Variants in ZMIZ1 observed in about 807,000 individuals in gnomAD.
ZMIZ1 encodes the protein zinc finger MIZ-type containing 1.
In ZMIZ1, 17 loss-of-function variants were observed where a neutral mutation model predicts 113.9. The ratio of observed to expected loss-of-function variants is 0.15; its 90% CI spans 0.10 to 0.22. The LOEUF is 0.22. ZMIZ1 is among the 10% of genes least tolerant of loss of function. The probability of loss-of-function intolerance (pLI) is 1.00; values close to 1 mark genes in which losing one functional copy is unlikely to be tolerated. For synonymous variants in ZMIZ1, 607 were observed against 603.1 expected (o/e 1.01, Z -0.09); for missense variants, 1,059 against 1,477.8 (o/e 0.72, Z 4.65).
intron 1 of ZMIZ1, among the ~76,000 whole-genome samples, chr10:79,106,001 A>T (rs1843540966): frequency 6.6e-6 from 1 of 152,198 alleles, no homozygotes; most frequent in South Asian, 2.1e-4. Context: ...CAATTGCACA[A>T]TACCCAGAGG....
chr10:79,263,968 A>G (rs1406494184), intron 7 of ZMIZ1, among the ~76,000 whole-genome samples: 1 of 152,210 alleles, frequency 6.6e-6, no homozygotes, highest in Non-Finnish European at 1.5e-5. Flanking sequence ...TAAATTATGC[A>G]GGGAAGAAAT....
intron 21 of ZMIZ1, among the ~76,000 whole-genome samples, chr10:79,305,807 A>C (rs1054113758): frequency 2.6e-5 from 4 of 152,122 alleles, no homozygotes; most frequent in African/African-American, 9.7e-5. Context: ...AAAGCCAGCC[A>C]CAGCAGGAGG....
chr10:79,116,312 G>A (rs1016275319), intron 1 of ZMIZ1, among the ~76,000 whole-genome samples: 2 of 152,062 alleles, frequency 1.3e-5, no homozygotes, highest in Admixed American at 1.3e-4. Context: ...GAGTAGGGGT[G>A]TCACCCAACC....
Position 79,296,012 on chromosome 10 carries a change from A to G in ZMIZ1, c.1231-459A>G, listed in dbSNP as rs1853867558. The G allele has an allele frequency of 4.1e-5, 8 of 196,522 alleles. No homozygotes were observed. In the South Asian group the frequency reaches 5.9e-4, roughly 15 times the overall value. The allele number at this position is 196,522 out of a possible 1,614,324, so 12.2% of individuals were successfully genotyped here. ...GTTCTGCTCTGAGGGGAGTACGAGG[A>G]CAATGCCACCCAAGTTCAGCCTTGG... On this transcript the variant is annotated intron_variant, in intron 12 of 24. Coordinates refer to ENST00000334512, the MANE Select transcript of ZMIZ1 (RefSeq NM_020338.4). This position sits in a 1 kb window ranked among gnomAD's most constrained non-coding sequence, Gnocchi z 4.1.
intron 4 of ZMIZ1, among the ~76,000 whole-genome samples, chr10:79,197,681 A>G (rs4980046): frequency 0.34 from 51,107 of 151,120 alleles, 10,362 homozygotes; most frequent in African/African-American, 0.57. Flanking sequence ...GTTCAAGAGT[A>G]AAAACTGTAA....
At chr10:79,250,209 C>A (rs1481310890) in intron 7 of ZMIZ1, among the ~76,000 whole-genome samples, 1 of 152,258 alleles carries the variant, frequency 6.6e-6, no homozygotes, top group Non-Finnish European at 1.5e-5. Flanking sequence ...AGACTGGGTT[C>A]TCTCCACCCA....
At position 79,230,380 on chromosome 10, in the gene ZMIZ1, G is replaced by A. The variant is rs941465918; in HGVS notation, c.280+14106G>A. 3.3e-5 allele frequency among the ~76,000 whole-genome samples: 5 copies of A among 152,262 alleles called. 1 individual carries two copies. Among genetic ancestry groups the A allele is most frequent in the Middle Eastern group, 6.8e-3 (2 of 294 alleles). ...CTGCCCTGCTCCAGCCCTGGGCCAC[G>A]CCCCCAGAAATGCCTGCTGTTGTTT... On this transcript the variant is annotated intron_variant, in intron 7 of 24. Transcript: ENST00000334512.
At chr10:79,123,407 A>G (rs1844381521) in intron 2 of ZMIZ1, among the ~76,000 whole-genome samples, 1 of 152,188 alleles carries the variant, frequency 6.6e-6, no homozygotes, top group Non-Finnish European at 1.5e-5. Context: ...GATTCAACGA[A>G]GTAAGCCATG....
At chr10:79,221,196 G>A (rs1031285508) in intron 7 of ZMIZ1, among the ~76,000 whole-genome samples, 2 of 152,198 alleles carry the variant, frequency 1.3e-5, no homozygotes, top group Non-Finnish European at 2.9e-5. Flanking sequence ...CTTGGAGCGG[G>A]GCTTTGTCAG....
intron 6 of ZMIZ1, among the ~76,000 whole-genome samples, chr10:79,212,008 C>A (rs1848548334): frequency 6.6e-6 from 1 of 152,214 alleles, no homozygotes; most frequent in Non-Finnish European, 1.5e-5. Context: ...GTAATGGAGA[C>A]CCCTTCTCCA....
intron 1 of ZMIZ1, among the ~76,000 whole-genome samples, chr10:79,117,244 A>T (rs1844074627): frequency 6.6e-6 from 1 of 152,228 alleles, no homozygotes; most frequent in African/African-American, 2.4e-5. Flanking sequence ...AACAACTCTC[A>T]AGGCCAGCTC....
At chr10:79,156,656 A>C (rs952212090) in intron 3 of ZMIZ1, among the ~76,000 whole-genome samples, 3 of 152,210 alleles carry the variant, frequency 2.0e-5, no homozygotes, top group Non-Finnish European at 4.4e-5. Context: ...GCTGGAGGGC[A>C]TCCTGGAGCC....
chr10:79,142,616 C>G (rs76646789), intron 3 of ZMIZ1, among the ~76,000 whole-genome samples: 2,092 of 152,338 alleles, frequency 0.014, 43 homozygotes, highest in South Asian at 0.051. Context: ...AATGGAGAGA[C>G]AGGAGAGACC....
intron 8 of ZMIZ1, among the ~76,000 whole-genome samples, chr10:79,280,413 C>T (rs1852649459): frequency 6.6e-6 from 1 of 151,922 alleles, no homozygotes; most frequent in African/African-American, 2.4e-5. Context: ...TAGCTGGAAG[C>T]ATAGCCATGC....
In ZMIZ1 at chr10:79,115,276, G is replaced by T. The variant is rs1843972007; in HGVS notation, c.-336-3639G>T. Among the ~76,000 whole-genome samples, 3 of 152,168 alleles carry T rather than the reference G, an allele frequency of 2.0e-5. No individual in the cohort carries two copies. In the South Asian group the frequency reaches 6.2e-4, roughly 31 times the overall value. ...TGTGACCTACCCAGCTGCCCTTGTG[G>T]GCTTGGAGTTCTCTCTGCTACAGGA... On this transcript the variant is annotated intron_variant, in intron 1 of 24. Coordinates refer to ENST00000334512, the MANE Select transcript of ZMIZ1 (RefSeq NM_020338.4).
chr10:79,140,444 A>G (rs1246114206), intron 3 of ZMIZ1, among the ~76,000 whole-genome samples: 6 of 152,184 alleles, frequency 3.9e-5, no homozygotes, highest in African/African-American at 1.2e-4. Flanking sequence ...ACCAGCTTCT[A>G]TGCTTTTACT....
At chr10:79,246,919 A>G (rs775964884) in intron 7 of ZMIZ1, among the ~76,000 whole-genome samples, 2 of 152,168 alleles carry the variant, frequency 1.3e-5, no homozygotes, top group African/African-American at 4.8e-5. Flanking sequence ...GATGGAGCCA[A>G]TGCCCTCTCC....
chr10:79,265,399 G>C (rs1171731420), intron 7 of ZMIZ1, among the ~76,000 whole-genome samples: 1 of 152,008 alleles, frequency 6.6e-6, no homozygotes, highest in Non-Finnish European at 1.5e-5. Context: ...GACCGGGGGT[G>C]GGGGCAGCAG....
At chr10:79,200,433 T>C (rs941046030) in intron 4 of ZMIZ1, among the ~76,000 whole-genome samples, 1 of 152,182 alleles carries the variant, frequency 6.6e-6, no homozygotes, top group African/African-American at 2.4e-5. Flanking sequence ...CCGAAGGAGC[T>C]TCCTCCACTT....
Sources: allele counts gnomAD v4.1 joint callset (sites outside exome capture counted in the v4.1 genomes callset), GRCh38; gene constraint gnomAD v4.1.1; non-coding constraint Gnocchi (gnomAD v3.1); transcripts MANE v1.5; gene names NCBI Gene and HGNC (gene_info 2026-07-23, HGNC 2026-07-21).